Variants in SRGAP2C observed in about 807,000 individuals in gnomAD.
The protein encoded by SRGAP2C is SLIT-ROBO Rho GTPase activating protein 2C, also known as SLIT-ROBO Rho GTPase-activating protein 2C.
SRGAP2C carries 15 observed loss-of-function variants against 25.1 expected under a neutral mutation model. The observed-to-expected ratio is 0.60, with a 90% confidence interval of 0.40 to 0.92. SRGAP2C has a LOEUF of 0.92. Among genes scored for constraint, SRGAP2C ranks in the 40% least tolerant of loss-of-function variants. The pLI, the probability that SRGAP2C is intolerant of heterozygous loss-of-function variation, is 0.00. For missense variants in SRGAP2C, 144 were observed against 264.4 expected (o/e 0.54, Z 3.16); for synonymous variants, 44 against 96.6 (o/e 0.46, Z 3.19).
intron 2 of SRGAP2C, among the ~76,000 whole-genome samples, chr1:121,204,659 C>G (rs587597932): frequency 4.3e-4 from 66 of 152,044 alleles, no homozygotes; most frequent in African/African-American, 1.5e-3. Flanking sequence ...ATTCTGTTTA[C>G]TCATTGTTGA....
rs587636584 is a variant in SRGAP2C, at chr1:121,375,786, G to A, written c.831+832G>A. Reference sequence around the variant, plus strand: ...TTTAACTCTCACATCACCATTATGGGTAAGCATTGCTGTCTCCAGTTGCTA... The same window carrying A: ...TTTAACTCTCACATCACCATTATGGATAAGCATTGCTGTCTCCAGTTGCTA... On this transcript the variant is annotated intron_variant, in intron 7 of 9. Coordinates refer to ENST00000367123, the MANE Select transcript of SRGAP2C (RefSeq NM_001329984.2). 5.4e-3 allele frequency among the ~76,000 whole-genome samples: 817 copies of A among 151,824 alleles called. 3 individuals are homozygous for A. The highest frequency in any genetic ancestry group is 9.3e-3 in the Admixed American group (142 of 15,226).
chr1:121,207,262 T>C (rs2101409409), intron 2 of SRGAP2C, among the ~76,000 whole-genome samples: 1 of 152,308 alleles, frequency 6.6e-6, no homozygotes, highest in African/African-American at 2.4e-5. Flanking sequence ...CAGGAATTAA[T>C]AGCATTTTCT....
intron 2 of SRGAP2C, among the ~76,000 whole-genome samples, chr1:121,218,700 T>C (rs1655456486): frequency 6.6e-6 from 1 of 150,718 alleles, no homozygotes; most frequent in South Asian, 2.1e-4. Flanking sequence ...TGAGCCGAGA[T>C]CACACCACTG....
At position 121,284,951 on chromosome 1, in the gene SRGAP2C, A is replaced by G; in HGVS notation, c.216A>G (p.Glu72=). The part of the protein sequence containing the change: ...DYSRNLEKLA[E]HFLAKTRSTK... Reference sequence around the variant, plus strand: ...CCCGCAACCTGGAGAAGCTGGCAGAACACTTCCTGGCCAAGACACGCAGCA... The same window carrying G: ...CCCGCAACCTGGAGAAGCTGGCAGAGCACTTCCTGGCCAAGACACGCAGCA... Residue 72 remains glutamate (E), a synonymous_variant, in exon 3 of 10, where the codon GAA becomes GAG. Transcript: ENST00000367123. The G allele has an allele frequency of 4.5e-6, 7 of 1,548,370 alleles. 1 individual carries two copies. The highest frequency in any genetic ancestry group is 5.2e-6 in the Non-Finnish European group (6 of 1,145,660).
At chr1:121,312,238 G>A (rs1264161998) in intron 3 of SRGAP2C, among the ~76,000 whole-genome samples, 3 of 30,492 alleles carry the variant, frequency 9.8e-5, no homozygotes, top group Non-Finnish European at 2.0e-4. Context: ...TTCTCTGATG[G>A]TAGTTTGTAT....
At chr1:121,297,663 C>T (rs1242617630) in intron 3 of SRGAP2C, among the ~76,000 whole-genome samples, 1 of 148,156 alleles carries the variant, frequency 6.7e-6, no homozygotes, top group Non-Finnish European at 1.5e-5. Flanking sequence ...AAGAGTCAGC[C>T]CTGATAGTTA....
chr1:121,303,481 C>G (rs2101587437), intron 3 of SRGAP2C, among the ~76,000 whole-genome samples: 1 of 152,234 alleles, frequency 6.6e-6, no homozygotes, highest in East Asian at 1.9e-4. Flanking sequence ...ATATTCCAGG[C>G]TTAACTTGTA....
At chr1:121,185,511 C>T in intron 1 of SRGAP2C, 2 of 462,662 alleles carry the variant, frequency 4.3e-6, no homozygotes, top group South Asian at 3.8e-5. Context: ...GTCTCCCAGC[C>T]CTGGCGGACA....
At chr1:121,336,167 A>G (rs1216147581) in intron 4 of SRGAP2C, among the ~76,000 whole-genome samples, 1 of 152,162 alleles carries the variant, frequency 6.6e-6, no homozygotes, top group Non-Finnish European at 1.5e-5. Context: ...AGCACCTAAG[A>G]TGACCAACTA....
At chr1:121,307,274 C>A (rs1213695357) in intron 3 of SRGAP2C, among the ~76,000 whole-genome samples, 1 of 149,906 alleles carries the variant, frequency 6.7e-6, no homozygotes. Context: ...CTACTTTTTT[C>A]TGTTATTCTC....
chr1:121,191,740 T>C (rs1326910302), intron 2 of SRGAP2C, among the ~76,000 whole-genome samples: 3 of 151,670 alleles, frequency 2.0e-5, no homozygotes, highest in Non-Finnish European at 4.4e-5. Context: ...AAGGCCCCTT[T>C]CCTTTACCCT....
chr1:121,202,236 G>T (rs587709744), intron 2 of SRGAP2C, among the ~76,000 whole-genome samples: 1 of 152,136 alleles, frequency 6.6e-6, no homozygotes, highest in South Asian at 2.1e-4. Flanking sequence ...CTTCATTTGG[G>T]TTCTCAGCAA....
At chr1:121,279,907 C>G in intron 2 of SRGAP2C, among the ~76,000 whole-genome samples, 1 of 146,354 alleles carries the variant, frequency 6.8e-6, no homozygotes. Context: ...AAATGGAAAC[C>G]AAGAATCCGT....
rs1488335673 is a variant in SRGAP2C at position 121,239,277 on chromosome 1, ATATAC to A, written c.68-45521_68-45517del. On this transcript the variant is annotated intron_variant, in intron 2 of 9. Coordinates refer to ENST00000367123, the MANE Select transcript of SRGAP2C (RefSeq NM_001329984.2). Reference sequence around the variant, plus strand: ...ATATATATATATATACTATATATATATATACTATATATATATATATATACATGCAA... The same window carrying A: ...ATATATATATATATACTATATATATATATATATATATATATATACATGCAA... Among the ~76,000 whole-genome samples, 3 of 3,234 alleles carry A rather than the reference ATATAC, an allele frequency of 9.3e-4. 1 individual carries two copies. The African/African-American group carries it at 0.023, about 25-fold the overall frequency. 2.1% of individuals were successfully genotyped at this position (3,234 alleles called of 152,430 possible).
At chr1:121,192,467 T>A (rs1367619414) in intron 2 of SRGAP2C, among the ~76,000 whole-genome samples, 1 of 150,904 alleles carries the variant, frequency 6.6e-6, no homozygotes, top group East Asian at 2.0e-4. Context: ...TACCATACTC[T>A]GCATCTTGCA....
At chr1:121,211,416 TACACACACAC>T (rs200891136) in intron 2 of SRGAP2C, among the ~76,000 whole-genome samples, 1,441 of 129,320 alleles carry the variant, frequency 0.011, 1 homozygote, top group African/African-American at 0.037. Context: ...TATATACACA[TACACACACAC>T]ACACACACAC....
At chr1:121,191,983 G>A (rs1553319865) in intron 2 of SRGAP2C, among the ~76,000 whole-genome samples, 1 of 150,190 alleles carries the variant, frequency 6.7e-6, no homozygotes, top group African/African-American at 2.5e-5. Flanking sequence ...TCCATCTGGA[G>A]CATTTTGATA....
intron 3 of SRGAP2C, among the ~76,000 whole-genome samples, chr1:121,323,994 CT>C (rs1658266776): frequency 6.6e-6 from 1 of 152,158 alleles, no homozygotes; most frequent in Non-Finnish European, 1.5e-5. Flanking sequence ...TCAGAATCAC[CT>C]TAGACCTGGT....
intron 3 of SRGAP2C, chr1:121,314,955 A>G (rs1234268013): frequency 1.1e-5 from 10 of 951,582 alleles, no homozygotes; most frequent in Admixed American, 4.5e-5. Context: ...ATTTTGAGCC[A>G]GGGCTTGAAG....
Sources: allele counts gnomAD v4.1 joint callset (sites outside exome capture counted in the v4.1 genomes callset), GRCh38; gene constraint gnomAD v4.1.1; transcripts MANE v1.5; gene names NCBI Gene and HGNC (gene_info 2026-07-23, HGNC 2026-07-21).